Variants in CLN3 observed in about 807,000 individuals in gnomAD.
The protein encoded by CLN3 is battenin.
Under a neutral mutation model 60.7 loss-of-function variants are expected in CLN3, and 49 were observed. The ratio of observed to expected loss-of-function variants is 0.81; its 90% CI spans 0.64 to 1.02. The LOEUF is 1.02. Among genes scored for constraint, CLN3 ranks in the 50% least tolerant of loss-of-function variants. The pLI is 0.00. For missense variants in CLN3, 516 were observed against 557.4 expected (o/e 0.93, Z 0.75); for synonymous variants, 256 against 245.8 (o/e 1.04, Z -0.39).
downstream of CLN3, chr16:28,476,079 G>A (rs369270352): frequency 6.6e-6 from 1 of 151,886 alleles, no homozygotes; most frequent in Non-Finnish European, 1.5e-5. Flanking sequence ...TAGAGACGGG[G>A]TTTTGTCACG....
At chr16:28,472,589 C>T (rs2141688575), downstream of CLN3, among the ~76,000 whole-genome samples, 2 of 151,386 alleles carry the variant, frequency 1.3e-5, no homozygotes, top group Middle Eastern at 3.4e-3. Context: ...GCCTGTAATC[C>T]CAGCACTTTG....
At position 28,488,644 on chromosome 16, in the gene CLN3, G is replaced by A; in HGVS notation, c.241C>T (p.Pro81Ser). Residue 81 changes from proline to serine, a missense_variant, in exon 5 of 16, where the codon CCG (proline) becomes TCG (serine). Physicochemically the swap from Pro to Ser is moderately conservative, Grantham distance 74. Transcript: ENST00000636147. ...NQSHVDPGPT[P>S]IPHNSSSRFD... ...CGTGATGAGCTGTTGTGGGGGATCG[G>A]CGTTGGGCCTGGGTCCACCTAATGG... is the stretch of plus-strand genomic sequence containing the variant. The A allele has an allele frequency of 6.2e-7, 1 of 1,614,180 alleles. No individual in the cohort carries two copies. Among genetic ancestry groups the A allele is most frequent in the Non-Finnish European group, 8.5e-7 (1 of 1,180,018 alleles).
intron 6 of CLN3, 35 bp from the exon 7 acceptor site, chr16:28,487,576 C>T (rs886238031): frequency 5.0e-6 from 8 of 1,600,554 alleles, no homozygotes; most frequent in Non-Finnish European, 5.1e-6. Flanking sequence ...GGGGGAAGGT[C>T]GGTCTCTACT....
Position 28,487,527 on chromosome 16 carries a change from A to G in CLN3, c.389T>C (p.Val130Ala). The G allele has an allele frequency of 2.5e-6, 4 of 1,613,802 alleles. No individual in the cohort carries two copies. Among genetic ancestry groups the G allele is most frequent in the Non-Finnish European group, 3.4e-6 (4 of 1,179,904 alleles). Residue 130 changes from valine to alanine, a missense_variant, in exon 7 of 16, where the codon GTC (valine) becomes GCC (alanine). Val to Ala is a moderately conservative substitution (Grantham distance 64, BLOSUM62 0). Transcript: ENST00000636147. ...HLLPYSPRVL[V>A]SGICAAGSFV... ...GCTTCCAGCAGCACAAATCCCACTGACGAGAACCCGGGGGCTGAGGGGGTG... is the reference window on the plus strand; with the variant it reads ...GCTTCCAGCAGCACAAATCCCACTGGCGAGAACCCGGGGGCTGAGGGGGTG...
chr16:28,472,275 G>T (rs1049310459), downstream of CLN3, among the ~76,000 whole-genome samples: 3 of 152,058 alleles, frequency 2.0e-5, no homozygotes, highest in Non-Finnish European at 4.4e-5. Context: ...AAGGTAGCTG[G>T]GTGTGGTGGC....
chr16:28,474,726 T>C (rs2045977456), downstream of CLN3, among the ~76,000 whole-genome samples: 1 of 152,198 alleles, frequency 6.6e-6, no homozygotes, highest in Non-Finnish European at 1.5e-5. Context: ...ACAAAAACTT[T>C]ACCCAAACAT....
chr16:28,477,541 T>A lies in CLN3; in HGVS notation c.1292A>T (p.His431Leu), dbSNP rs751697176. The change falls in exon 16 of 16, where the codon CAT becomes CTT. Residue 431 changes from histidine (H) to leucine (L), a missense_variant. His to Leu is a moderately conservative substitution (Grantham distance 99). Transcript: ENST00000636147. ...TCAGGAGAGCTGGCAGAGGAAGTCA[T>A]GCAGAGGCAAAGCCAGGAGCCCCGA... ...SLSGLLALPL[H>L]DFLCQLS 1 of 1,613,776 alleles carries A rather than the reference T, an allele frequency of 6.2e-7. No homozygotes were observed. Among genetic ancestry groups the A allele is most frequent in the Non-Finnish European group, 8.5e-7 (1 of 1,180,022 alleles).
chr16:28,475,780 T>C (rs2141691067), downstream of CLN3: 1 of 152,366 alleles, frequency 6.6e-6, no homozygotes, highest in South Asian at 2.1e-4. Flanking sequence ...GGTTAGTTGC[T>C]TTAATGAAAA....
intron 7 of CLN3, chr16:28,486,960 G>C (rs2046230945): frequency 2.4e-6 from 1 of 424,500 alleles, no homozygotes; most frequent in Non-Finnish European, 4.4e-6. Context: ...ACCCAGGCTG[G>C]AGTACAGTGG....
chr16:28,487,647 T>C lies in CLN3; in HGVS notation c.374+15A>G, dbSNP rs1160399050. 2 of 1,611,242 alleles carry C rather than the reference T, an allele frequency of 1.2e-6. No homozygotes were observed. Among genetic ancestry groups the C allele is most frequent in the Non-Finnish European group, 1.7e-6 (2 of 1,177,758 alleles). On this transcript the variant is annotated intron_variant, in intron 6 of 15. Transcript: ENST00000636147. The stretch of plus-strand genomic sequence containing the variant: ...AGCTCCTGCCCACCCTGCCTCCCAC[T>C]ACCCTCACCCAGACCTGTAGGGCAG...
Position 28,491,491 on chromosome 16 carries a change from A to G in CLN3, c.116T>C (p.Val39Ala), listed in dbSNP as rs760656860. The change falls in exon 3 of 16, where the codon GTG (valine) becomes GCG (alanine). Residue 39 changes from valine (V) to alanine (A), a missense_variant. Coordinates refer to ENST00000636147, the MANE Select transcript of CLN3 (RefSeq NM_001042432.2). ...GTCTCAGGCCACTCACCAGAAGCCCACCGCGTTCTTCCAATGCGCGCCCTG... is the reference window on the plus strand; with the variant it reads ...GTCTCAGGCCACTCACCAGAAGCCCGCCGCGTTCTTCCAATGCGCGCCCTG... ...DHQGAHWKNA[V>A]GFWLLGLCNN... The G allele has an allele frequency of 2.5e-6, 4 of 1,613,456 alleles. No homozygotes were observed. In the East Asian group the frequency reaches 8.9e-5, roughly 36 times the overall value.
Position 28,486,346 on chromosome 16 carries a change from C to A in CLN3, c.677+1G>T, listed in dbSNP as rs1057517287. 6.2e-7 allele frequency: 1 copy of A among 1,612,048 alleles called. No individual in the cohort carries two copies. On this transcript the variant is annotated splice_donor_variant, in intron 9 of 15. Coordinates refer to ENST00000636147, the MANE Select transcript of CLN3 (RefSeq NM_001042432.2). LOFTEE classifies it high-confidence loss of function. ...CTCCCTCCCGGCTCAGGGCAGCTCA[C>A]CTGGCCAGCAGCAGGGCAGGGATAC...
At position 28,486,225 on chromosome 16, in the gene CLN3, T is replaced by C. The variant is rs2046214437; in HGVS notation, c.677+122A>G. On this transcript the variant is annotated intron_variant, in intron 9 of 15. Transcript: ENST00000636147. ...GTTGGCCAGGCTGGTTTCCTGACCT[T>C]AGGCGATCTGCCCTCCTTGGCCTCC... 8.5e-6 allele frequency: 11 copies of C among 1,291,420 alleles called. 1 individual carries two copies. The South Asian group carries it at 1.2e-4, about 14-fold the overall frequency. 80.0% of individuals were successfully genotyped at this position (1,291,420 alleles called of 1,614,324 possible).
At chr16:28,480,699 G>GCCAATGTCTCTTGT (rs1333815814) in intron 14 of CLN3, among the ~76,000 whole-genome samples, 2 of 152,136 alleles carry the variant, frequency 1.3e-5, no homozygotes, top group Non-Finnish European at 1.5e-5. Context: ...GAGCCACCAG[G>GCCAATGTCTCTTGT]ACTGGCCAAG....
At chr16:28,488,398 C>T (rs2046257968) in intron 5 of CLN3, 193 bp downstream of exon 5, 1 of 544,870 alleles carries the variant, frequency 1.8e-6, no homozygotes, top group East Asian at 3.0e-5. Flanking sequence ...TGGTCTCAAA[C>T]TCCTAGGCTC....
In CLN3 at chr16:28,488,814, G is replaced by A. The variant is rs2046265867; in HGVS notation, c.223-152C>T. 5 of 736,826 alleles carry A rather than the reference G, an allele frequency of 6.8e-6. No individual in the cohort carries two copies. The African/African-American group carries it at 6.9e-5, about 10-fold the overall frequency. The allele number at this position is 736,826 out of a possible 1,614,324, so 45.6% of individuals were successfully genotyped here. On this transcript the variant is annotated intron_variant, in intron 4 of 15. Transcript: ENST00000636147. ...ACCTCAGCGTCTCTGCATGCACAATGAAGAGGGGGTTTCCATATGAGTCTC... is the reference window on the plus strand; with the variant it reads ...ACCTCAGCGTCTCTGCATGCACAATAAAGAGGGGGTTTCCATATGAGTCTC...
At position 28,489,393 on chromosome 16, in the gene CLN3, G is replaced by A; in HGVS notation, c.126-7C>T. 1 of 1,603,870 alleles carries A rather than the reference G, an allele frequency of 6.2e-7. No homozygotes were observed. Among genetic ancestry groups the A allele is most frequent in the South Asian group, 1.1e-5 (1 of 89,646 alleles). Reference sequence around the variant, plus strand: ...GTTGCAAAGGCCCAGCAGCCTGGAAGGAGCAGGACAGGTCTCAACTCCCTC... The same window carrying A: ...GTTGCAAAGGCCCAGCAGCCTGGAAAGAGCAGGACAGGTCTCAACTCCCTC... On this transcript the variant is annotated splice_region_variant and splice_polypyrimidine_tract_variant and intron_variant, in intron 3 of 15. Coordinates refer to ENST00000636147, the MANE Select transcript of CLN3 (RefSeq NM_001042432.2).
chr16:28,485,010 A>C (rs1200030883), intron 9 of CLN3: 2 of 151,650 alleles, frequency 1.3e-5, no homozygotes, highest in Non-Finnish European at 2.9e-5. Context: ...CAGTGGCACA[A>C]TCACGGCTCA....
Position 28,486,297 on chromosome 16 carries a change from C to T in CLN3, c.677+50G>A, listed in dbSNP as rs201036459. 91 of 1,609,054 alleles carry T rather than the reference C, an allele frequency of 5.7e-5. 1 individual carries two copies. In the East Asian group the frequency reaches 1.8e-3, roughly 33 times the overall value. ...GTGAGCCACCACACCCAGCCATGGC[C>T]AAGTTTTCTCTCCTTGGACCCCTCT... is the stretch of plus-strand genomic sequence containing the variant. On this transcript the variant is annotated intron_variant, in intron 9 of 15. Coordinates refer to ENST00000636147, the MANE Select transcript of CLN3 (RefSeq NM_001042432.2).
Sources: gnomAD v4.1 joint callset for allele counts (sites outside exome capture counted in the v4.1 genomes callset) on GRCh38, gnomAD v4.1.1 for gene constraint, MANE v1.5 for transcripts, NCBI Gene and HGNC (gene_info 2026-07-23, HGNC 2026-07-21) for gene names.